Variants in SGMS1 observed in about 807,000 individuals in gnomAD.
The protein encoded by SGMS1 is sphingomyelin synthase 1, also known as phosphatidylcholine:ceramide cholinephosphotransferase 1.
Under a neutral mutation model 46.2 loss-of-function variants are expected in SGMS1, and 13 were observed. That is an observed-to-expected ratio of 0.28 (90% confidence interval 0.18 to 0.45). SGMS1 has a LOEUF of 0.45. Among genes scored for constraint, SGMS1 ranks in the 20% least tolerant of loss-of-function variants. SGMS1 has a pLI of 1.00. For synonymous variants in SGMS1, 203 were observed against 187.8 expected, an observed-to-expected ratio of 1.08 and a Z score of -0.66; for missense variants, 324 against 519.9, an observed-to-expected ratio of 0.62 and a Z score of 3.66.
intron 7 of SGMS1, chr10:50,341,338 G>A (rs976481574): frequency 5.7e-5 from 26 of 455,822 alleles, no homozygotes; most frequent in Non-Finnish European, 1.1e-4. Context: ...GAGGTCACAG[G>A]GAGAGAGACA....
At chr10:50,313,451 G>A (rs1240215741) in intron 8 of SGMS1, among the ~76,000 whole-genome samples, 2 of 152,192 alleles carry the variant, frequency 1.3e-5, no homozygotes, top group Non-Finnish European at 2.9e-5. Flanking sequence ...AGGAGAATAG[G>A]AAAAGGCGCT....
At chr10:50,485,787 C>T (rs975681028) in intron 3 of SGMS1, among the ~76,000 whole-genome samples, 1 of 152,076 alleles carries the variant, frequency 6.6e-6, no homozygotes, top group Non-Finnish European at 1.5e-5. Flanking sequence ...GTAGTCCCAA[C>T]TACTTGGTAG....
At chr10:50,523,696 T>C (rs1420629318) in intron 2 of SGMS1, among the ~76,000 whole-genome samples, 1 of 152,226 alleles carries the variant, frequency 6.6e-6, no homozygotes, top group Admixed American at 6.5e-5. Context: ...CCATGTCTAC[T>C]TATAACCACT....
intron 6 of SGMS1, among the ~76,000 whole-genome samples, chr10:50,366,828 CA>C (rs1383972456): frequency 6.6e-6 from 1 of 152,190 alleles, no homozygotes. Flanking sequence ...GGAGGGATAA[CA>C]TTAGGAGAAA....
chr10:50,524,346 A>G (rs977531676), intron 2 of SGMS1, among the ~76,000 whole-genome samples: 8 of 151,930 alleles, frequency 5.3e-5, no homozygotes, highest in Non-Finnish European at 1.0e-4. Context: ...ATAAAACAAG[A>G]CCTCCATGAA....
At chr10:50,610,078 C>T (rs1181294021) in intron 1 of SGMS1, among the ~76,000 whole-genome samples, 1 of 152,124 alleles carries the variant, frequency 6.6e-6, no homozygotes, top group Non-Finnish European at 1.5e-5. Context: ...TAGCATCATA[C>T]GCACCTCCCC....
At chr10:50,373,793 A>G (rs1848480529) in intron 6 of SGMS1, among the ~76,000 whole-genome samples, 1 of 152,228 alleles carries the variant, frequency 6.6e-6, no homozygotes, top group African/African-American at 2.4e-5. Flanking sequence ...AATGGCTTCT[A>G]AAATTATTTC....
At chr10:50,327,034 G>C (rs936019942) in intron 8 of SGMS1, among the ~76,000 whole-genome samples, 171 bp downstream of exon 8, 1 of 151,914 alleles carries the variant, frequency 6.6e-6, no homozygotes, top group Admixed American at 6.5e-5. Context: ...GCAGGGCTTA[G>C]AGATTCTGGG....
intron 8 of SGMS1, among the ~76,000 whole-genome samples, chr10:50,316,804 C>T (rs978567607): frequency 3.3e-5 from 5 of 152,164 alleles, no homozygotes; most frequent in Non-Finnish European, 5.9e-5. Flanking sequence ...CCTCATCAAT[C>T]TGCATCTTCA....
chr10:50,373,488 C>T (rs749313791), intron 6 of SGMS1, among the ~76,000 whole-genome samples: 1 of 152,154 alleles, frequency 6.6e-6, no homozygotes, highest in African/African-American at 2.4e-5. Context: ...TGATCATAAC[C>T]TGAGACAGTG....
intron 3 of SGMS1, among the ~76,000 whole-genome samples, chr10:50,501,194 C>T (rs1162398219): frequency 6.6e-6 from 1 of 152,116 alleles, no homozygotes; most frequent in African/African-American, 2.4e-5. Flanking sequence ...TCACTCATGC[C>T]CCCTAATCCT....
chr10:50,602,425 C>A (rs755698948), intron 1 of SGMS1, among the ~76,000 whole-genome samples: 3 of 152,190 alleles, frequency 2.0e-5, no homozygotes, highest in Non-Finnish European at 2.9e-5. Flanking sequence ...TTAACTAACA[C>A]TTGTGTCACT....
chr10:50,454,660 G>C (rs1036799784), intron 5 of SGMS1, among the ~76,000 whole-genome samples: 2 of 152,104 alleles, frequency 1.3e-5, no homozygotes, highest in African/African-American at 2.4e-5. Flanking sequence ...CTACAGTCCA[G>C]CAATTTATTA....
At chr10:50,496,936 T>G (rs1837620326) in intron 3 of SGMS1, among the ~76,000 whole-genome samples, 2 of 152,170 alleles carry the variant, frequency 1.3e-5, no homozygotes, top group Non-Finnish European at 2.9e-5. Context: ...ACCAACATCT[T>G]TAGACACAAA....
chr10:50,619,762 G>T (rs958394353), intron 1 of SGMS1, among the ~76,000 whole-genome samples: 1 of 152,216 alleles, frequency 6.6e-6, no homozygotes, highest in Non-Finnish European at 1.5e-5. Context: ...TAAGGGAGTA[G>T]ATCAGCTTGT....
intron 6 of SGMS1, among the ~76,000 whole-genome samples, chr10:50,359,349 GT>G (rs1848209058): frequency 6.6e-6 from 1 of 152,024 alleles, no homozygotes; most frequent in Admixed American, 6.6e-5. Flanking sequence ...GCAATTGATA[GT>G]TTCCCCCCTT....
intron 3 of SGMS1, among the ~76,000 whole-genome samples, chr10:50,489,988 A>G (rs10826101): frequency 0.12 from 18,307 of 152,216 alleles, 1,231 homozygotes; most frequent in Middle Eastern, 0.22. Context: ...AATAAAAATA[A>G]AAAATAAAAA....
Position 50,345,932 on chromosome 10 carries a change from T to C in SGMS1, c.-231-1587A>G, listed in dbSNP as rs185818214. Among the ~76,000 whole-genome samples the C allele has an allele frequency of 4.6e-5, 7 of 152,350 alleles. No individual in the cohort carries two copies. The East Asian group carries it at 1.3e-3, about 29-fold the overall frequency. On this transcript the variant is annotated intron_variant, in intron 6 of 10. Coordinates refer to ENST00000361781, the MANE Select transcript of SGMS1 (RefSeq NM_147156.4). ...TGGTTCTGTAGGTATTTTCTACTTT[T>C]CTCCACCTATTTTTCTTTAATAAGC...
chr10:50,494,463 C>A (rs1837593427), intron 3 of SGMS1, among the ~76,000 whole-genome samples: 1 of 152,148 alleles, frequency 6.6e-6, no homozygotes, highest in African/African-American at 2.4e-5. Context: ...AGAACAAGAT[C>A]ATGTCCTTTG....
Sources: allele counts gnomAD v4.1 joint callset (sites outside exome capture counted in the v4.1 genomes callset), GRCh38; gene constraint gnomAD v4.1.1; transcripts MANE v1.5; gene names NCBI Gene and HGNC (gene_info 2026-07-23, HGNC 2026-07-21).